Variants in PAK2 observed in about 807,000 individuals in gnomAD.
PAK2 encodes serine/threonine-protein kinase PAK 2.
PAK2 carries 21 observed loss-of-function variants against 65.9 expected under a neutral mutation model. The observed-to-expected ratio is 0.32, with a 90% CI of 0.23 to 0.46. The LOEUF (loss-of-function observed/expected upper bound fraction) is 0.46. Among genes scored for constraint, PAK2 ranks in the 20% least tolerant of loss-of-function variants. The pLI, the probability that PAK2 is intolerant of heterozygous loss-of-function variation, is 1.00. For synonymous variants in PAK2, 204 were observed against 219.7 expected (o/e 0.93, Z 0.63); for missense variants, 324 against 642.6 (o/e 0.50, Z 5.36).
At chr3:196,799,156 G>T (rs970301597) in intron 2 of PAK2, among the ~76,000 whole-genome samples, 36 of 152,052 alleles carry the variant, frequency 2.4e-4, no homozygotes, top group African/African-American at 8.5e-4. Context: ...TAGCAAAATT[G>T]TATATTTACA....
Position 196,813,468 on chromosome 3 carries a change from AAAAAG to A in PAK2, c.935+627_935+631del, listed in dbSNP as rs771804216. On this transcript the variant is annotated intron_variant, in intron 10 of 14. Coordinates refer to ENST00000327134, the MANE Select transcript of PAK2 (RefSeq NM_002577.4). ...ATGAGACTCCATCTCAAAAAAAAAA[AAAAAG>A]AAAAGAAAATGATGTATATTACTAC... Among the ~76,000 whole-genome samples, 12 of 151,768 alleles carry A rather than the reference AAAAAG, an allele frequency of 7.9e-5. No individual in the cohort carries two copies. The South Asian group carries it at 2.5e-3, about 32-fold the overall frequency.
intron 2 of PAK2, among the ~76,000 whole-genome samples, chr3:196,788,367 T>TA (rs1191253155): frequency 1.3e-5 from 2 of 152,130 alleles, no homozygotes; most frequent in Non-Finnish European, 1.5e-5. Flanking sequence ...CTTTCCTTAC[T>TA]AAAAAAACAG....
intron 1 of PAK2, among the ~76,000 whole-genome samples, chr3:196,778,412 G>A (rs1476383845): frequency 6.6e-6 from 1 of 152,204 alleles, no homozygotes; most frequent in Non-Finnish European, 1.5e-5. Flanking sequence ...CCTGGGAGTG[G>A]AATTGCGGGG....
intron 1 of PAK2, among the ~76,000 whole-genome samples, chr3:196,777,883 TAGTG>T (rs1269487988): frequency 3.3e-5 from 5 of 152,254 alleles, no homozygotes; most frequent in East Asian, 1.9e-4. Context: ...TGTGAGTAGA[TAGTG>T]AGATATAATT....
chr3:196,814,664 G>C (rs1456582421), intron 11 of PAK2, 96 bp downstream of exon 11: 1 of 704,344 alleles, frequency 1.4e-6, no homozygotes. Context: ...GTTATTGTGG[G>C]AGGTGCTTTC....
chr3:196,748,622 C>A (rs1713470136), intron 1 of PAK2, among the ~76,000 whole-genome samples: 1 of 152,166 alleles, frequency 6.6e-6, no homozygotes, highest in East Asian at 1.9e-4. Context: ...TAGCAGTATG[C>A]ATCTGAGGTT....
chr3:196,827,644 C>T (rs193091461), intron 14 of PAK2, among the ~76,000 whole-genome samples: 59 of 152,012 alleles, frequency 3.9e-4, no homozygotes, highest in Non-Finnish European at 7.2e-4. Context: ...AGGAGATATA[C>T]CTAATGTAAA....
At chr3:196,787,018 T>G (rs1402614449) in intron 2 of PAK2, among the ~76,000 whole-genome samples, 1 of 151,786 alleles carries the variant, frequency 6.6e-6, no homozygotes, top group Non-Finnish European at 1.5e-5. Flanking sequence ...AGAGACAGGC[T>G]CTCATATGTT....
intron 1 of PAK2, 92 bp from the exon 2 acceptor site, chr3:196,782,534 A>C: frequency 3.2e-6 from 2 of 626,264 alleles, no homozygotes; most frequent in Non-Finnish European, 5.7e-6. Context: ...ATATTTTCTA[A>C]TTGGGAGTTG....
intron 8 of PAK2, among the ~76,000 whole-genome samples, chr3:196,811,097 A>G (rs1240628494): frequency 6.6e-6 from 1 of 152,060 alleles, no homozygotes; most frequent in East Asian, 1.9e-4. Flanking sequence ...TTGGAAGCAA[A>G]TAAACACCTA....
chr3:196,797,619 G>A (rs1041837178), intron 2 of PAK2, among the ~76,000 whole-genome samples: 14 of 151,940 alleles, frequency 9.2e-5, no homozygotes, highest in Admixed American at 2.6e-4. Context: ...AGGCGTGGTC[G>A]TGGGCACCTG....
chr3:196,780,283 A>AT (rs1397817005), intron 1 of PAK2, among the ~76,000 whole-genome samples: 1 of 152,150 alleles, frequency 6.6e-6, no homozygotes, highest in Non-Finnish European at 1.5e-5. Context: ...GTCTGTTTTC[A>AT]TGCTGCTGAT....
chr3:196,754,556 G>T (rs1228915182), intron 1 of PAK2, among the ~76,000 whole-genome samples: 1 of 152,132 alleles, frequency 6.6e-6, no homozygotes, highest in Non-Finnish European at 1.5e-5. Flanking sequence ...GTCTTTGTGA[G>T]TCTGAACTGA....
chr3:196,811,652 C>G (rs1185816549), intron 8 of PAK2, among the ~76,000 whole-genome samples: 2 of 151,898 alleles, frequency 1.3e-5, no homozygotes, highest in African/African-American at 2.4e-5. Flanking sequence ...CAATACCTAT[C>G]CATATGGATG....
At chr3:196,808,557 CA>C (rs1208200034) in intron 7 of PAK2, among the ~76,000 whole-genome samples, 10,609 of 56,454 alleles carry the variant, frequency 0.19, 757 homozygotes, top group African/African-American at 0.34. Flanking sequence ...GACTCCATCT[CA>C]AAAAAAAAAA....
At chr3:196,745,205 C>G (rs760683371) in intron 1 of PAK2, among the ~76,000 whole-genome samples, 1 of 151,156 alleles carries the variant, frequency 6.6e-6, no homozygotes, top group Non-Finnish European at 1.5e-5. Flanking sequence ...ACTTCCGCCT[C>G]CCGGGTTCAA....
At position 196,741,017 on chromosome 3, in the gene PAK2, T is replaced by TTTG; in HGVS notation, c.-22+865_-22+867dup. On this transcript the variant is annotated intron_variant, in intron 1 of 14. Transcript: ENST00000327134. ...CTCTCCCTGGGCAGTGTGAGCGTGATTTGTTGTCCCTTGATAAATAACGAA... is the reference window on the plus strand; with the variant it reads ...CTCTCCCTGGGCAGTGTGAGCGTGATTTGTTGTTGTCCCTTGATAAATAACGAA... Among the ~76,000 whole-genome samples the TTTG allele has an allele frequency of 5.3e-5, 8 of 152,332 alleles. 2 individuals are homozygous for TTTG. In the South Asian group the frequency reaches 1.7e-3, roughly 32 times the overall value.
chr3:196,784,210 T>C (rs972014786), intron 2 of PAK2, among the ~76,000 whole-genome samples: 5 of 145,390 alleles, frequency 3.4e-5, no homozygotes, highest in Non-Finnish European at 7.6e-5. Context: ...GTTTTGTTTT[T>C]AATTTTTTTT....
chr3:196,762,255 G>A (rs1328306536), intron 1 of PAK2, among the ~76,000 whole-genome samples: 1 of 113,838 alleles, frequency 8.8e-6, no homozygotes, highest in African/African-American at 3.1e-5. Context: ...CCAGACGATG[G>A]GCGGCCAGGC....
Sources: gnomAD v4.1 joint callset for allele counts (sites outside exome capture counted in the v4.1 genomes callset) on GRCh38, gnomAD v4.1.1 for gene constraint, MANE v1.5 for transcripts, NCBI Gene and HGNC (gene_info 2026-07-23, HGNC 2026-07-21) for gene names.